LTBP1: variants seen among roughly 807,000 people sequenced by gnomAD.
LTBP1 encodes the protein latent-transforming growth factor beta-binding protein 1.
Under a neutral mutation model 207.6 loss-of-function variants are expected in LTBP1, and 129 were observed. That is an observed-to-expected ratio of 0.62 (90% confidence interval 0.54 to 0.72). The LOEUF (loss-of-function observed/expected upper bound fraction) is 0.72. Among genes scored for constraint, LTBP1 ranks in the 30% least tolerant of loss-of-function variants. The probability of loss-of-function intolerance (pLI) is 0.00; values close to 1 mark genes in which losing one functional copy is unlikely to be tolerated. For synonymous variants in LTBP1, 963 were observed against 833.7 expected (o/e 1.16, Z -2.67); for missense variants, 2,281 against 2,217.2 (o/e 1.03, Z -0.58).
Position 33,004,786 on chromosome 2 carries a change from AATATATAT to A in LTBP1, c.566-16101_566-16094del, listed in dbSNP as rs34777461. On this transcript the variant is annotated intron_variant, in intron 2 of 33. Transcript: ENST00000404816. ...TGAGCCTCAGTCTCAAAAAAAAAGGAATATATATATATATATATATATATATATAAACA... is the reference window on the plus strand; with the variant it reads ...TGAGCCTCAGTCTCAAAAAAAAAGGAATATATATATATATATATATAAACA... Among the ~76,000 whole-genome samples, 37 of 101,106 alleles carry A rather than the reference AATATATAT, an allele frequency of 3.7e-4. 1 individual carries two copies. The highest frequency in any genetic ancestry group is 6.7e-4 in the Admixed American group (5 of 7,444). The allele number at this position is 101,106 out of a possible 152,430, so 66.3% of individuals were successfully genotyped here.
At chr2:33,343,762 T>C (rs1240935097) in intron 25 of LTBP1, among the ~76,000 whole-genome samples, 1 of 152,214 alleles carries the variant, frequency 6.6e-6, no homozygotes, top group African/African-American at 2.4e-5. Context: ...TATCATCATA[T>C]GTCCTGGAAT....
chr2:33,261,183 A>G (rs1381731943), intron 13 of LTBP1, among the ~76,000 whole-genome samples: 1 of 152,176 alleles, frequency 6.6e-6, no homozygotes, highest in Non-Finnish European at 1.5e-5. Flanking sequence ...TCTCGACTGG[A>G]CCGTATTTGT....
chr2:33,206,701 T>C (rs1023186145), intron 7 of LTBP1, among the ~76,000 whole-genome samples: 1 of 147,092 alleles, frequency 6.8e-6, no homozygotes, highest in Admixed American at 6.9e-5. Flanking sequence ...ATTGTGCCAC[T>C]GCACTCCAGC....
In LTBP1 at chr2:33,078,392, T is replaced by C. The variant is rs539957206; in HGVS notation, c.864-32190T>C. ...AACCAACTATGAATTTTGAAGCAGT[T>C]AGACCTTACCTAAAATTAGCTGTGC... On this transcript the variant is annotated intron_variant, in intron 3 of 33. Transcript: ENST00000404816. 4.6e-5 allele frequency among the ~76,000 whole-genome samples: 7 copies of C among 152,300 alleles called. No individual in the cohort carries two copies. The South Asian group carries it at 1.5e-3, about 32-fold the overall frequency.
At chr2:33,158,687 G>T (rs13417676) in intron 5 of LTBP1, among the ~76,000 whole-genome samples, 1 of 152,148 alleles carries the variant, frequency 6.6e-6, no homozygotes, top group Non-Finnish European at 1.5e-5. Flanking sequence ...TTTCTTTCCA[G>T]TGATTCATAT....
chr2:33,087,084 C>CTTTTTTGTTTTTTTTTTTTT (rs2078804479), intron 3 of LTBP1, among the ~76,000 whole-genome samples: 1 of 89,026 alleles, frequency 1.1e-5, no homozygotes, highest in Non-Finnish European at 2.1e-5. Flanking sequence ...CTCCTTTATG[C>CTTTTTTGTTTTTTTTTTTTT]TTTTTTTTTT....
At chr2:33,318,413 A>G (rs1316865314) in intron 24 of LTBP1, among the ~76,000 whole-genome samples, 1 of 152,166 alleles carries the variant, frequency 6.6e-6, no homozygotes, top group African/African-American at 2.4e-5. Context: ...CAAGGGTAAA[A>G]CATACAATTC....
chr2:33,084,960 G>C (rs985204833), intron 3 of LTBP1, among the ~76,000 whole-genome samples: 17 of 152,210 alleles, frequency 1.1e-4, no homozygotes, highest in African/African-American at 4.1e-4. Flanking sequence ...TCGAACCTGT[G>C]AATGAGATCT....
At chr2:33,039,734 T>G (rs1344389515) in intron 3 of LTBP1, among the ~76,000 whole-genome samples, 1 of 151,370 alleles carries the variant, frequency 6.6e-6, no homozygotes, top group Non-Finnish European at 1.5e-5. Context: ...GAATTAAACA[T>G]TTTTTTTTAC....
At chr2:33,020,777 T>C in intron 2 of LTBP1, 132 bp from the exon 3 acceptor site, 4 of 840,634 alleles carry the variant, frequency 4.8e-6, no homozygotes, top group South Asian at 2.2e-5. Flanking sequence ...TGCCCCACCT[T>C]CCTCCTTATG....
chr2:32,969,501 A>T (rs534802266), intron 2 of LTBP1, among the ~76,000 whole-genome samples: 41 of 152,050 alleles, frequency 2.7e-4, no homozygotes, highest in African/African-American at 9.9e-4. Flanking sequence ...TTTAGCTCCC[A>T]CTTGGAAGTA....
At chr2:33,343,379 G>A (rs2149694685) in intron 25 of LTBP1, among the ~76,000 whole-genome samples, 1 of 145,092 alleles carries the variant, frequency 6.9e-6, no homozygotes, top group African/African-American at 2.7e-5. Context: ...CCACTGCACG[G>A]CAGCTTGGGC....
At chr2:33,201,909 C>T (rs978581951) in intron 7 of LTBP1, among the ~76,000 whole-genome samples, 1 of 151,988 alleles carries the variant, frequency 6.6e-6, no homozygotes, top group Non-Finnish European at 1.5e-5. Context: ...TCTGTTTGGA[C>T]AGGAAAAATG....
At chr2:33,198,192 G>T (rs999026907) in intron 7 of LTBP1, among the ~76,000 whole-genome samples, 2 of 152,156 alleles carry the variant, frequency 1.3e-5, no homozygotes, top group Non-Finnish European at 2.9e-5. Flanking sequence ...TTATATGCTG[G>T]ATTACATTTA....
intron 2 of LTBP1, among the ~76,000 whole-genome samples, chr2:32,972,865 C>A (rs1376688194): frequency 6.6e-6 from 1 of 152,156 alleles, no homozygotes; most frequent in East Asian, 1.9e-4. Context: ...AGCTATAAGT[C>A]AATTAAACCT....
At chr2:33,087,595 G>T (rs767570940) in intron 3 of LTBP1, among the ~76,000 whole-genome samples, 2 of 152,142 alleles carry the variant, frequency 1.3e-5, no homozygotes, top group Admixed American at 6.5e-5. Context: ...CTTGACTTCA[G>T]ATCACTTACC....
intron 2 of LTBP1, among the ~76,000 whole-genome samples, chr2:33,002,506 C>T (rs1201211602): frequency 6.6e-6 from 1 of 152,222 alleles, no homozygotes; most frequent in Non-Finnish European, 1.5e-5. Flanking sequence ...GAAGGTCAGG[C>T]CCAGCGTCTC....
chr2:33,126,446 G>A (rs1190436922), intron 4 of LTBP1, among the ~76,000 whole-genome samples: 1 of 152,136 alleles, frequency 6.6e-6, no homozygotes, highest in African/African-American at 2.4e-5. Context: ...CTTAAAGATA[G>A]AAGTATCAGG....
chr2:33,353,483 G>A (rs761707409), intron 26 of LTBP1, among the ~76,000 whole-genome samples: 1 of 152,182 alleles, frequency 6.6e-6, no homozygotes, highest in African/African-American at 2.4e-5. Flanking sequence ...TGCTGAGCAC[G>A]GCGCCTGATG....
Sources: gnomAD v4.1 joint callset for allele counts (sites outside exome capture counted in the v4.1 genomes callset) on GRCh38, gnomAD v4.1.1 for gene constraint, MANE v1.5 for transcripts, NCBI Gene and HGNC (gene_info 2026-07-23, HGNC 2026-07-21) for gene names.